Variants in INPP4B observed in about 807,000 individuals in gnomAD.
INPP4B encodes inositol polyphosphate 4-phosphatase type II.
Under a neutral mutation model 122.5 loss-of-function variants are expected in INPP4B, and 55 were observed. The ratio of observed to expected loss-of-function variants is 0.45; its 90% confidence interval spans 0.36 to 0.56. INPP4B has a LOEUF of 0.56. Ranked by LOEUF, INPP4B falls within the 20% of genes least tolerant of loss-of-function variation. The probability of loss-of-function intolerance (pLI) is 0.00; values close to 1 mark genes in which losing one functional copy is unlikely to be tolerated. For synonymous variants in INPP4B, 403 were observed against 388.7 expected (o/e 1.04, Z -0.43); for missense variants, 1,000 against 1,097.7 (o/e 0.91, Z 1.26).
intron 2 of INPP4B, among the ~76,000 whole-genome samples, chr4:142,613,441 G>A (rs905299712): frequency 7.9e-5 from 12 of 152,108 alleles, no homozygotes; most frequent in Admixed American, 7.9e-4. Flanking sequence ...TCCTGCCAAG[G>A]TCATCTATAT....
intron 2 of INPP4B, among the ~76,000 whole-genome samples, chr4:142,675,832 T>A (rs1560949468): frequency 6.6e-6 from 1 of 152,132 alleles, no homozygotes; most frequent in Non-Finnish European, 1.5e-5. Flanking sequence ...AACTAGTTAT[T>A]TATGGAATGT....
At chr4:142,760,680 CTTATA>C (rs1282753338) in intron 1 of INPP4B, among the ~76,000 whole-genome samples, 2 of 152,192 alleles carry the variant, frequency 1.3e-5, no homozygotes, top group Admixed American at 1.3e-4. Flanking sequence ...TCTACCTATT[CTTATA>C]TTAAATTTTG....
At chr4:142,647,516 A>ACGCCTAACCCAAT (rs1752040195) in intron 2 of INPP4B, among the ~76,000 whole-genome samples, 1 of 152,190 alleles carries the variant, frequency 6.6e-6, no homozygotes, top group Non-Finnish European at 1.5e-5. Context: ...ACCCACCACA[A>ACGCCTAACCCAAT]TGGTGCCTAA....
chr4:142,700,723 T>C (rs1179976488), intron 2 of INPP4B, among the ~76,000 whole-genome samples: 1 of 152,126 alleles, frequency 6.6e-6, no homozygotes, highest in Non-Finnish European at 1.5e-5. Flanking sequence ...CAGATTATAA[T>C]CTTTTCTTAG....
chr4:142,110,693 T>C (rs976182985), intron 22 of INPP4B, among the ~76,000 whole-genome samples: 1 of 152,122 alleles, frequency 6.6e-6, no homozygotes, highest in African/African-American at 2.4e-5. Flanking sequence ...CAGTCTTGTG[T>C]GTCTTGTACA....
chr4:142,193,604 GA>G lies in INPP4B; in HGVS notation c.1073-410del, dbSNP rs934156879. Among the ~76,000 whole-genome samples the G allele has an allele frequency of 1.1e-4, 16 of 151,604 alleles. No homozygotes were observed. The South Asian group carries it at 1.9e-3, about 18-fold the overall frequency. ...CAATCTTTCAACCAAATTTTACATAGAAAAAAAACCCAAAATATTAAGCATT... is the reference window on the plus strand; with the variant it reads ...CAATCTTTCAACCAAATTTTACATAGAAAAAAACCCAAAATATTAAGCATT... On this transcript the variant is annotated intron_variant, in intron 14 of 25. Coordinates refer to ENST00000262992, the MANE Select transcript of INPP4B (RefSeq NM_001101669.3).
intron 2 of INPP4B, among the ~76,000 whole-genome samples, chr4:142,586,255 T>G (rs1736181026): frequency 6.6e-6 from 1 of 151,984 alleles, no homozygotes; most frequent in Non-Finnish European, 1.5e-5. Flanking sequence ...GAGTTTGTAC[T>G]GAGCCAAGAT....
intron 2 of INPP4B, among the ~76,000 whole-genome samples, chr4:142,661,890 C>T (rs187174779): frequency 6.6e-6 from 1 of 152,278 alleles, no homozygotes; most frequent in African/African-American, 2.4e-5. Flanking sequence ...TCCACATGAT[C>T]TGATGGGGAC....
chr4:142,140,101 A>C (rs1396903907), intron 18 of INPP4B, among the ~76,000 whole-genome samples: 1 of 152,248 alleles, frequency 6.6e-6, no homozygotes, highest in African/African-American at 2.4e-5. Flanking sequence ...ACTTTCAAGC[A>C]AAAAAGGACA....
At chr4:142,088,502 G>T (rs1777896035) in intron 23 of INPP4B, among the ~76,000 whole-genome samples, 1 of 87,914 alleles carries the variant, frequency 1.1e-5, no homozygotes, top group African/African-American at 2.9e-5. Flanking sequence ...AACAATGTGT[G>T]CTTGTGTGTG....
chr4:142,588,793 C>T (rs1425910756), intron 2 of INPP4B, among the ~76,000 whole-genome samples: 1 of 151,782 alleles, frequency 6.6e-6, no homozygotes, highest in Admixed American at 6.6e-5. Context: ...TTAAACAAAA[C>T]CCCAAAAATC....
chr4:142,830,631 T>C (rs1782001111), intron 1 of INPP4B, among the ~76,000 whole-genome samples: 8 of 151,896 alleles, frequency 5.3e-5, no homozygotes, highest in Admixed American at 4.6e-4. Context: ...AATGGCCACA[T>C]AGAGATCCCT....
At chr4:142,530,860 CAGGGGAGG>C (rs1424989992) in intron 2 of INPP4B, among the ~76,000 whole-genome samples, 2 of 151,754 alleles carry the variant, frequency 1.3e-5, no homozygotes, top group African/African-American at 2.4e-5. Context: ...GGCTAGGGAG[CAGGGGAGG>C]AGGGGAGGAG....
chr4:142,648,626 C>T (rs899560583), intron 2 of INPP4B, among the ~76,000 whole-genome samples: 4 of 152,130 alleles, frequency 2.6e-5, no homozygotes, highest in Non-Finnish European at 4.4e-5. Context: ...GAGGGGTGTC[C>T]GCAATTGCTG....
At chr4:142,643,139 A>C (rs935254343) in intron 2 of INPP4B, among the ~76,000 whole-genome samples, 2 of 152,164 alleles carry the variant, frequency 1.3e-5, no homozygotes, top group Admixed American at 1.3e-4. Flanking sequence ...ACTTTGCTGA[A>C]GTTACTTATC....
intron 2 of INPP4B, among the ~76,000 whole-genome samples, chr4:142,663,711 T>C (rs2150596033): frequency 6.6e-6 from 1 of 152,248 alleles, no homozygotes; most frequent in South Asian, 2.1e-4. Context: ...TTAATATATT[T>C]ATAAGCTGAA....
intron 1 of INPP4B, among the ~76,000 whole-genome samples, chr4:142,789,144 G>A (rs1478923013): frequency 6.6e-6 from 1 of 152,062 alleles, no homozygotes; most frequent in Non-Finnish European, 1.5e-5. Context: ...CTGGGAAAAA[G>A]TTGAAAGCAT....
intron 1 of INPP4B, among the ~76,000 whole-genome samples, chr4:142,840,439 C>T (rs1364564183): frequency 2.6e-5 from 4 of 151,922 alleles, no homozygotes; most frequent in African/African-American, 9.7e-5. Context: ...CTTTCTCTTA[C>T]CCAGACACAA....
intron 2 of INPP4B, among the ~76,000 whole-genome samples, chr4:142,537,748 TG>T (rs1828464111): frequency 2.2e-5 from 2 of 89,516 alleles, no homozygotes; most frequent in East Asian, 8.5e-3. Context: ...TGAGTGTGTG[TG>T]TGTGTGTGTG....
Sources: allele counts gnomAD v4.1 joint callset (sites outside exome capture counted in the v4.1 genomes callset), GRCh38; gene constraint gnomAD v4.1.1; transcripts MANE v1.5; gene names NCBI Gene and HGNC (gene_info 2026-07-23, HGNC 2026-07-21).